Variants in ZFAND3 observed in about 807,000 individuals in gnomAD.
ZFAND3 encodes zinc finger AN1-type containing 3, also known as AN1-type zinc finger protein 3.
In ZFAND3, 10 loss-of-function variants were observed where a neutral mutation model predicts 29.6. The ratio of observed to expected loss-of-function variants is 0.34; its 90% CI spans 0.21 to 0.57. The LOEUF is 0.57. ZFAND3 is among the 20% of genes least tolerant of loss of function. The pLI, the probability that ZFAND3 is intolerant of heterozygous loss-of-function variation, is 0.86. For synonymous variants in ZFAND3, 128 were observed against 112.6 expected (o/e 1.14, Z -0.87); for missense variants, 230 against 304.5 (o/e 0.76, Z 1.82).
Position 37,948,434 on chromosome 6 carries a change from C to A in ZFAND3, c.112+18435C>A, listed in dbSNP as rs551323396. Among the ~76,000 whole-genome samples the A allele has an allele frequency of 3.1e-3, 467 of 152,182 alleles. 2 individuals carry two copies. Among genetic ancestry groups the A allele is most frequent in the African/African-American group, 0.011 (444 of 41,528 alleles). ...TAGTTTTCTTTTGGTTAATGTTCAC[C>A]TGGCATAGTTTTTTTCTTTTTGTTT... On this transcript the variant is annotated intron_variant, in intron 2 of 5. Coordinates refer to ENST00000287218, the MANE Select transcript of ZFAND3 (RefSeq NM_021943.3).
At chr6:37,928,684 T>G (rs1761536428) in intron 1 of ZFAND3, among the ~76,000 whole-genome samples, 2 of 152,012 alleles carry the variant, frequency 1.3e-5, no homozygotes, top group African/African-American at 4.8e-5. Context: ...CCAGCTAATT[T>G]TTTCTATTTT....
Position 38,142,692 on chromosome 6 carries a change from G to A in ZFAND3, c.530-9543G>A, listed in dbSNP as rs372274012. Among the ~76,000 whole-genome samples the A allele has an allele frequency of 4.0e-3, 606 of 151,946 alleles. 2 individuals carry two copies. Among genetic ancestry groups the A allele is most frequent in the African/African-American group, 0.014 (579 of 41,360 alleles). ...CTCTTCCCCTGAGAGCCGTGTAGAGGCTGGAGGAGGTGGAGGGGCCCGCCA... is the reference window on the plus strand; with the variant it reads ...CTCTTCCCCTGAGAGCCGTGTAGAGACTGGAGGAGGTGGAGGGGCCCGCCA... On this transcript the variant is annotated intron_variant, in intron 5 of 5. Transcript: ENST00000287218.
chr6:38,137,260 C>A (rs1765859846), intron 5 of ZFAND3, among the ~76,000 whole-genome samples: 1 of 152,196 alleles, frequency 6.6e-6, no homozygotes. Context: ...CTGCAAAAAA[C>A]AGGATACACC....
At chr6:38,088,161 T>C (rs570183753) in intron 4 of ZFAND3, among the ~76,000 whole-genome samples, 22 of 152,332 alleles carry the variant, frequency 1.4e-4, no homozygotes, top group African/African-American at 4.8e-4. Flanking sequence ...GTGGTACTTA[T>C]ACACAATGGA....
intron 2 of ZFAND3, among the ~76,000 whole-genome samples, chr6:37,981,690 T>A (rs746633650): frequency 1.4e-4 from 21 of 152,164 alleles, no homozygotes; most frequent in Non-Finnish European, 2.6e-4. Context: ...GGAAATAATA[T>A]TATTTAAAAA....
Position 38,061,706 on chromosome 6 carries a change from C to G in ZFAND3, c.226C>G (p.Pro76Ala). The change falls in exon 3 of 6, where the codon CCA becomes GCA. Residue 76 changes from proline (P) to alanine (A), a missense_variant. By Grantham distance (27) the Pro-to-Ala change is conservative. This residue lies in a region of ZFAND3 where 180 missense variants were observed against 202.5 expected (regional missense o/e 0.89). Transcript: ENST00000287218. ...SDNNNTSITT[P>A]TLSPSQQPLP... The stretch of plus-strand genomic sequence containing the variant: ...CAACAACAATACCTCGATAACCACG[C>G]CAACTCTTAGTCCCAGCCAGCAGCC... 1 of 1,614,158 alleles carries G rather than the reference C, an allele frequency of 6.2e-7. No homozygotes were observed. Among genetic ancestry groups the G allele is most frequent in the East Asian group, 2.2e-5 (1 of 44,876 alleles).
At chr6:38,060,358 C>T (rs1382052434) in intron 2 of ZFAND3, among the ~76,000 whole-genome samples, 2 of 151,640 alleles carry the variant, frequency 1.3e-5, no homozygotes, top group African/African-American at 4.8e-5. Context: ...GCTTTCTGTT[C>T]ATCCTCTCCT....
intron 2 of ZFAND3, among the ~76,000 whole-genome samples, chr6:37,995,784 G>A (rs1762839231): frequency 6.6e-6 from 1 of 151,876 alleles, no homozygotes; most frequent in South Asian, 2.1e-4. Context: ...TTTTTTTAAA[G>A]GAAACTATCA....
At chr6:37,981,993 C>T (rs1395313343) in intron 2 of ZFAND3, among the ~76,000 whole-genome samples, 1 of 152,104 alleles carries the variant, frequency 6.6e-6, no homozygotes, top group African/African-American at 2.4e-5. Flanking sequence ...CAGTTTCATT[C>T]TTTTGAGTTT....
intron 1 of ZFAND3, among the ~76,000 whole-genome samples, chr6:37,889,035 C>T (rs1561923230): frequency 6.6e-6 from 1 of 152,158 alleles, no homozygotes; most frequent in Non-Finnish European, 1.5e-5. Context: ...CAAGCATAAA[C>T]TACACAATTA....
intron 1 of ZFAND3, among the ~76,000 whole-genome samples, chr6:37,921,273 T>G (rs751184272): frequency 2.0e-5 from 3 of 152,168 alleles, no homozygotes; most frequent in Non-Finnish European, 4.4e-5. Context: ...GAACTTTCTT[T>G]GTAGTCTAGA....
intron 5 of ZFAND3, among the ~76,000 whole-genome samples, chr6:38,144,211 A>ATAATATATATATAT (rs70981524): frequency 2.2e-5 from 1 of 45,880 alleles, no homozygotes; most frequent in Admixed American, 2.3e-4. Context: ...ATATATATAT[A>ATAATATATATATAT]ATATATAATA....
At chr6:37,995,587 T>A (rs1422035919) in intron 2 of ZFAND3, among the ~76,000 whole-genome samples, 2 of 152,302 alleles carry the variant, frequency 1.3e-5, no homozygotes, top group East Asian at 1.9e-4. Context: ...AGAATTCAAT[T>A]GATGTTTATT....
At chr6:37,829,786 C>CTGA (rs1429355379) in intron 1 of ZFAND3, among the ~76,000 whole-genome samples, 1 of 152,144 alleles carries the variant, frequency 6.6e-6, no homozygotes, top group Admixed American at 6.5e-5. Flanking sequence ...ATTTGTAAGG[C>CTGA]TGATGATCTT....
intron 2 of ZFAND3, among the ~76,000 whole-genome samples, chr6:37,989,982 C>A (rs771206545): frequency 6.6e-6 from 1 of 152,142 alleles, no homozygotes. Flanking sequence ...CGGAGACGAG[C>A]CTTGTCTCAT....
intron 5 of ZFAND3, among the ~76,000 whole-genome samples, chr6:38,140,429 G>A (rs1046337224): frequency 6.6e-6 from 1 of 152,160 alleles, no homozygotes; most frequent in African/African-American, 2.4e-5. Flanking sequence ...GCTTTCTAGA[G>A]GTTCTAAGTG....
chr6:37,980,374 T>A (rs779303836), intron 2 of ZFAND3, among the ~76,000 whole-genome samples: 7 of 152,248 alleles, frequency 4.6e-5, no homozygotes, highest in Non-Finnish European at 1.0e-4. Context: ...TTTGGCCTCT[T>A]GGCTTGGTGC....
At chr6:37,905,539 A>T (rs1046916040) in intron 1 of ZFAND3, among the ~76,000 whole-genome samples, 1 of 152,106 alleles carries the variant, frequency 6.6e-6, no homozygotes. Flanking sequence ...CATACTAAAG[A>T]TCTTTTAGGA....
intron 1 of ZFAND3, among the ~76,000 whole-genome samples, chr6:37,886,687 A>G (rs1765000806): frequency 6.6e-6 from 1 of 152,088 alleles, no homozygotes; most frequent in South Asian, 2.1e-4. Context: ...CATGTTTTGG[A>G]TTTTATAATT....
Sources: allele counts gnomAD v4.1 joint callset (sites outside exome capture counted in the v4.1 genomes callset), GRCh38; gene constraint gnomAD v4.1.1; regional missense constraint gnomAD v4.1.1; transcripts MANE v1.5; gene names NCBI Gene and HGNC (gene_info 2026-07-23, HGNC 2026-07-21).